Variants in TTC28 observed in about 807,000 individuals in gnomAD.
TTC28 encodes tetratricopeptide repeat protein 28.
TTC28 carries 61 observed loss-of-function variants against 198.0 expected under a neutral mutation model. That is an observed-to-expected ratio of 0.31 (90% CI 0.25 to 0.38). TTC28 has a LOEUF of 0.38. Ranked by LOEUF, TTC28 falls within the 10% of genes least tolerant of loss-of-function variation. The probability of loss-of-function intolerance (pLI) is 1.00; values close to 1 mark genes in which losing one functional copy is unlikely to be tolerated. For synonymous variants in TTC28, 1,171 were observed against 1,297.8 expected (o/e 0.90, Z 2.10); for missense variants, 2,678 against 3,164.0 (o/e 0.85, Z 3.69).
chr22:28,017,604 C>T (rs185590069), intron 13 of TTC28, among the ~76,000 whole-genome samples: 17 of 152,218 alleles, frequency 1.1e-4, no homozygotes, highest in African/African-American at 3.1e-4. Context: ...AGGAGTCATG[C>T]GGACAGAGGG....
chr22:28,361,471 T>C (rs1277709232), intron 2 of TTC28, among the ~76,000 whole-genome samples: 1 of 152,076 alleles, frequency 6.6e-6, no homozygotes, highest in Non-Finnish European at 1.5e-5. Context: ...TTCTATGAAG[T>C]CTGAGAGAGG....
At chr22:28,183,246 G>C (rs1391535759) in intron 5 of TTC28, among the ~76,000 whole-genome samples, 1 of 152,012 alleles carries the variant, frequency 6.6e-6, no homozygotes, top group East Asian at 1.9e-4. Flanking sequence ...TTTTGGTAGA[G>C]ATGGGGTCTC....
chr22:28,239,039 T>TG (rs1929468206), intron 5 of TTC28, among the ~76,000 whole-genome samples: 1 of 152,154 alleles, frequency 6.6e-6, no homozygotes, highest in Non-Finnish European at 1.5e-5. Context: ...GGTTCAATGC[T>TG]CTATTTCCCT....
intron 1 of TTC28, among the ~76,000 whole-genome samples, chr22:28,636,204 C>A (rs2051269287): frequency 1.5e-5 from 2 of 133,028 alleles, no homozygotes; most frequent in Admixed American, 1.8e-4. Context: ...TGGCTCACTG[C>A]AAGCTCTGCT....
At chr22:28,590,150 C>T (rs1214292882) in intron 2 of TTC28, among the ~76,000 whole-genome samples, 7 of 131,882 alleles carry the variant, frequency 5.3e-5, no homozygotes, top group South Asian at 5.0e-4. Context: ...TTTTTTGAGA[C>T]GGAGTCTCTC....
At chr22:28,028,710 C>T (rs1938945206) in intron 13 of TTC28, 2 of 252,918 alleles carry the variant, frequency 7.9e-6, no homozygotes, top group East Asian at 1.2e-4. Flanking sequence ...AGTTTCTCCA[C>T]CCATGTTAAG....
At chr22:28,460,119 G>A (rs1257885663) in intron 2 of TTC28, among the ~76,000 whole-genome samples, 1 of 152,088 alleles carries the variant, frequency 6.6e-6, no homozygotes, top group Non-Finnish European at 1.5e-5. Context: ...TGTCTATCTA[G>A]TTTTATCTAG....
chr22:28,578,491 T>G (rs1292225003), intron 2 of TTC28, among the ~76,000 whole-genome samples: 2 of 152,100 alleles, frequency 1.3e-5, no homozygotes, highest in South Asian at 4.2e-4. Flanking sequence ...GATGGCTGAA[T>G]AGAAACCTCC....
chr22:28,351,443 C>T (rs1306354409), intron 2 of TTC28, among the ~76,000 whole-genome samples: 3 of 152,074 alleles, frequency 2.0e-5, no homozygotes, highest in Non-Finnish European at 4.4e-5. Flanking sequence ...TCAAGAATCC[C>T]ATATATGCTT....
chr22:28,474,340 C>T (rs2048134359), intron 2 of TTC28, among the ~76,000 whole-genome samples: 1 of 152,102 alleles, frequency 6.6e-6, no homozygotes, highest in South Asian at 2.1e-4. Flanking sequence ...CCCTATAAGG[C>T]TCAGAAAGTA....
intron 11 of TTC28, among the ~76,000 whole-genome samples, chr22:28,095,773 A>T (rs1941953552): frequency 6.6e-6 from 1 of 152,206 alleles, no homozygotes; most frequent in Non-Finnish European, 1.5e-5. Flanking sequence ...CCTGTGATAG[A>T]GCTGCCATTA....
At chr22:28,259,959 A>G (rs1931206586) in intron 5 of TTC28, among the ~76,000 whole-genome samples, 1 of 152,178 alleles carries the variant, frequency 6.6e-6, no homozygotes, top group Non-Finnish European at 1.5e-5. Flanking sequence ...TGCTCCTGCG[A>G]TATTCCTCTA....
intron 12 of TTC28, among the ~76,000 whole-genome samples, chr22:28,068,187 C>T (rs778256702): frequency 2.6e-5 from 4 of 152,102 alleles, no homozygotes; most frequent in Non-Finnish European, 4.4e-5. Context: ...AGTAAATGCT[C>T]GCCCCTTAAG....
At chr22:28,127,081 A>C (rs965191211) in intron 6 of TTC28, among the ~76,000 whole-genome samples, 3 of 152,198 alleles carry the variant, frequency 2.0e-5, no homozygotes, top group African/African-American at 7.2e-5. Context: ...GTTTAGATTG[A>C]TTCTTAAAAG....
intron 2 of TTC28, among the ~76,000 whole-genome samples, chr22:28,483,181 A>G (rs1384721418): frequency 2.0e-5 from 3 of 152,200 alleles, no homozygotes; most frequent in Non-Finnish European, 4.4e-5. Context: ...TGTATTAGAT[A>G]AAGTCTCTGC....
At chr22:28,129,719 T>C (rs1476170454) in intron 6 of TTC28, among the ~76,000 whole-genome samples, 1 of 152,216 alleles carries the variant, frequency 6.6e-6, no homozygotes, top group Non-Finnish European at 1.5e-5. Context: ...GATTCCTGCA[T>C]GTGGTAAGGT....
chr22:28,317,173 GC>G (rs1390087565), intron 2 of TTC28, among the ~76,000 whole-genome samples: 1 of 151,960 alleles, frequency 6.6e-6, no homozygotes, highest in African/African-American at 2.4e-5. Flanking sequence ...TATAACGGTT[GC>G]CTTTACTTCT....
intron 2 of TTC28, among the ~76,000 whole-genome samples, chr22:28,492,120 G>A (rs1385425794): frequency 6.6e-6 from 1 of 151,956 alleles, no homozygotes; most frequent in Non-Finnish European, 1.5e-5. Context: ...TGGGGTGGGG[G>A]GGAGCGGGGA....
rs1942879475 is a variant in TTC28 at position 28,124,979 on chromosome 22, C to T, written c.1442-16576G>A. Among the ~76,000 whole-genome samples, 3 of 152,228 alleles carry T rather than the reference C, an allele frequency of 2.0e-5. 1 individual carries two copies. In the South Asian group the frequency reaches 6.2e-4, roughly 31 times the overall value. On this transcript the variant is annotated intron_variant, in intron 6 of 22. Coordinates refer to ENST00000397906, the MANE Select transcript of TTC28 (RefSeq NM_001145418.2). ...TGAACTCTCTATTCCAGCTAGCTTT[C>T]TTCTGTGTTCTTCGAGGAATAAACT...
Sources: gnomAD v4.1 joint callset for allele counts (sites outside exome capture counted in the v4.1 genomes callset) on GRCh38, gnomAD v4.1.1 for gene constraint, MANE v1.5 for transcripts, NCBI Gene and HGNC (gene_info 2026-07-23, HGNC 2026-07-21) for gene names.